CSMD1: variants seen among roughly 807,000 people sequenced by gnomAD.
CSMD1 encodes CUB and sushi domain-containing protein 1.
In CSMD1, 213 loss-of-function variants were observed where a neutral mutation model predicts 417.5. The ratio of observed to expected loss-of-function variants is 0.51; its 90% confidence interval spans 0.46 to 0.57. The LOEUF (loss-of-function observed/expected upper bound fraction) is 0.57. Ranked by LOEUF, CSMD1 falls within the 20% of genes least tolerant of loss-of-function variation. The pLI, the probability that CSMD1 is intolerant of heterozygous loss-of-function variation, is 0.00. For synonymous variants in CSMD1, 2,862 were observed against 1,736.8 expected, an observed-to-expected ratio of 1.65 and a Z score of -16.11; for missense variants, 6,923 against 4,529.7, an observed-to-expected ratio of 1.53 and a Z score of -15.17.
intron 5 of CSMD1, among the ~76,000 whole-genome samples, chr8:3,856,937 C>A (rs1475252400): frequency 6.6e-6 from 1 of 152,146 alleles, no homozygotes; most frequent in African/African-American, 2.4e-5. Context: ...TGTAGCCTAG[C>A]TATCCTGACA....
intron 2 of CSMD1, among the ~76,000 whole-genome samples, chr8:4,581,353 A>G (rs770885671): frequency 2.0e-5 from 3 of 152,230 alleles, no homozygotes; most frequent in African/African-American, 4.8e-5. Flanking sequence ...ATTAAATCTT[A>G]CTACCTCTCG....
intron 3 of CSMD1, among the ~76,000 whole-genome samples, chr8:4,237,876 G>C (rs982295740): frequency 6.6e-6 from 1 of 152,134 alleles, no homozygotes; most frequent in Non-Finnish European, 1.5e-5. Context: ...AATGCCTTAT[G>C]TTCCTTAAAC....
chr8:4,377,791 C>G (rs943677100), intron 3 of CSMD1, among the ~76,000 whole-genome samples: 1 of 152,176 alleles, frequency 6.6e-6, no homozygotes, highest in Admixed American at 6.5e-5. Flanking sequence ...CTTTAAATAT[C>G]CAAGCGTTGT....
intron 3 of CSMD1, among the ~76,000 whole-genome samples, chr8:4,074,296 A>G (rs536933320): frequency 9.9e-4 from 151 of 152,250 alleles, no homozygotes; most frequent in African/African-American, 3.5e-3. Context: ...CAGCTAAACA[A>G]TGAAAGAAAA....
At chr8:3,356,385 G>A (rs1257281555) in intron 21 of CSMD1, among the ~76,000 whole-genome samples, 1 of 152,276 alleles carries the variant, frequency 6.6e-6, no homozygotes, top group South Asian at 2.1e-4. Context: ...AAGAGATGAA[G>A]ACAACTTGAG....
chr8:4,685,490 G>T (rs781093767), intron 1 of CSMD1, among the ~76,000 whole-genome samples: 1 of 152,034 alleles, frequency 6.6e-6, no homozygotes, highest in African/African-American at 2.4e-5. Flanking sequence ...CAGGAGAATC[G>T]CTTAGAACTC....
rs145587160 is a variant in CSMD1, at chr8:3,481,085, G to C, written c.1449-12261C>G. 5.3e-4 allele frequency among the ~76,000 whole-genome samples: 80 copies of C among 149,606 alleles called. 1 individual carries two copies. In the East Asian group the frequency reaches 0.012, roughly 23 times the overall value. Reference sequence around the variant, plus strand: ...GCAGGAGAGTGCTTTGAACCCAGAAGGCGGAGCTTGCAGTGAGCCCAGATT... The same window carrying C: ...GCAGGAGAGTGCTTTGAACCCAGAACGCGGAGCTTGCAGTGAGCCCAGATT... On this transcript the variant is annotated intron_variant, in intron 11 of 69. Transcript: ENST00000635120.
At chr8:4,084,887 A>C (rs1316772824) in intron 3 of CSMD1, among the ~76,000 whole-genome samples, 4 of 152,138 alleles carry the variant, frequency 2.6e-5, no homozygotes, top group African/African-American at 9.7e-5. Context: ...ACATACATTC[A>C]GTTTAAAAAA....
intron 1 of CSMD1, among the ~76,000 whole-genome samples, chr8:4,963,094 G>A (rs779419540): frequency 1.4e-4 from 22 of 152,264 alleles, no homozygotes; most frequent in Admixed American, 3.3e-4. Context: ...CCAGGCCTCC[G>A]CAAGAATATA....
intron 3 of CSMD1, among the ~76,000 whole-genome samples, chr8:4,143,782 G>C (rs193086969): frequency 2.0e-5 from 3 of 151,372 alleles, no homozygotes; most frequent in African/African-American, 2.5e-5. Context: ...CACAGGGTGG[G>C]AGGGGGCCCA....
Position 3,583,849 on chromosome 8 carries a change from G to T in CSMD1, c.1222+2287C>A, listed in dbSNP as rs575218168. On this transcript the variant is annotated intron_variant, in intron 9 of 69. Coordinates refer to ENST00000635120, the MANE Select transcript of CSMD1 (RefSeq NM_033225.6). ...AGGTCCCAGAAAGGATACTTTTCAA[G>T]AAATTGAGGGTTTCTTATCCATCTT... is the stretch of plus-strand genomic sequence containing the variant. 2.0e-5 allele frequency among the ~76,000 whole-genome samples: 3 copies of T among 151,910 alleles called. No homozygotes were observed. In the East Asian group the frequency reaches 5.8e-4, roughly 30 times the overall value.
intron 3 of CSMD1, among the ~76,000 whole-genome samples, chr8:4,305,864 C>G (rs1333986766): frequency 6.6e-6 from 1 of 152,148 alleles, no homozygotes; most frequent in African/African-American, 2.4e-5. Flanking sequence ...CCCTTCCAGT[C>G]TTTGCTTACG....
intron 1 of CSMD1, among the ~76,000 whole-genome samples, chr8:4,805,722 T>G (rs1394146669): frequency 6.6e-6 from 1 of 152,196 alleles, no homozygotes; most frequent in Admixed American, 6.5e-5. Context: ...AGCATTATAT[T>G]ATAATTTGTT....
At chr8:3,753,775 C>A (rs1797491913) in intron 6 of CSMD1, among the ~76,000 whole-genome samples, 155 bp downstream of exon 6, 1 of 152,166 alleles carries the variant, frequency 6.6e-6, no homozygotes, top group African/African-American at 2.4e-5. Context: ...AAGTTCCCAG[C>A]TGTCGACTAT....
At chr8:3,653,578 G>C (rs1374389024) in intron 7 of CSMD1, among the ~76,000 whole-genome samples, 1 of 152,120 alleles carries the variant, frequency 6.6e-6, no homozygotes, top group African/African-American at 2.4e-5. Context: ...CAAAGTGCTG[G>C]GATTTCAGGT....
At chr8:4,420,712 C>G (rs1563155440) in intron 2 of CSMD1, among the ~76,000 whole-genome samples, 1 of 152,040 alleles carries the variant, frequency 6.6e-6, no homozygotes, top group African/African-American at 2.4e-5. Context: ...TAGCAAAGGC[C>G]CCGTGCAATA....
chr8:4,338,801 T>G (rs938524835), intron 3 of CSMD1, among the ~76,000 whole-genome samples: 2 of 152,136 alleles, frequency 1.3e-5, no homozygotes, highest in Non-Finnish European at 2.9e-5. Flanking sequence ...TAGTTTAATG[T>G]TGCAATTACT....
chr8:4,103,304 A>G (rs1801400353), intron 3 of CSMD1, among the ~76,000 whole-genome samples: 1 of 151,370 alleles, frequency 6.6e-6, no homozygotes, highest in East Asian at 1.9e-4. Context: ...GTGTGTGCAT[A>G]TACACACAGT....
At chr8:2,981,489 C>T (rs966471559) in intron 54 of CSMD1, among the ~76,000 whole-genome samples, 1 of 152,186 alleles carries the variant, frequency 6.6e-6, no homozygotes, top group Admixed American at 6.5e-5. Context: ...AATAAAGAGG[C>T]TCACTCTAGA....
Sources: gnomAD v4.1 joint callset for allele counts (sites outside exome capture counted in the v4.1 genomes callset) on GRCh38, gnomAD v4.1.1 for gene constraint, MANE v1.5 for transcripts, NCBI Gene and HGNC (gene_info 2026-07-23, HGNC 2026-07-21) for gene names.